The following PVT1 variants were observed in gnomAD, a reference collection of about 807,000 sequenced individuals.
PVT1 encodes Pvt1 oncogene, also known as CXCR4/PVT1 fusion.
chr8:128,019,301 T>C (rs892285023), intron 4 of PVT1, among the ~76,000 whole-genome samples: 1 of 152,214 alleles, frequency 6.6e-6, no homozygotes, highest in Non-Finnish European at 1.5e-5. Flanking sequence ...TAAAAATTAA[T>C]AATATAAAGA....
At chr8:127,931,682 G>T (rs556586262) in intron 3 of PVT1, among the ~76,000 whole-genome samples, 1 of 152,348 alleles carries the variant, frequency 6.6e-6, no homozygotes, top group South Asian at 2.1e-4. Flanking sequence ...CCACTGAGCG[G>T]CACTGCCACC....
intron 4 of PVT1, among the ~76,000 whole-genome samples, chr8:128,034,461 A>C (rs1335135658): frequency 6.6e-6 from 1 of 152,156 alleles, no homozygotes; most frequent in Non-Finnish European, 1.5e-5. Context: ...TCTGGTCCAG[A>C]ATACACTTAC....
intron 5 of PVT1, chr8:128,082,889 C>G (rs1288803157): frequency 2.6e-5 from 4 of 152,176 alleles, no homozygotes; most frequent in Non-Finnish European, 5.9e-5. Flanking sequence ...TTCCATCAGC[C>G]TAAGACAGTT....
At chr8:127,997,598 A>G (rs1363780204) in intron 4 of PVT1, among the ~76,000 whole-genome samples, 1 of 152,178 alleles carries the variant, frequency 6.6e-6, no homozygotes, top group Non-Finnish European at 1.5e-5. Context: ...TCCTCCAGAC[A>G]CTTTTAAAGA....
At chr8:128,074,881 C>T (rs1814064610) in intron 5 of PVT1, among the ~76,000 whole-genome samples, 1 of 152,186 alleles carries the variant, frequency 6.6e-6, no homozygotes, top group African/African-American at 2.4e-5. Flanking sequence ...CAAATTTAAG[C>T]AGCAATTTTG....
chr8:127,903,622 G>A (rs1243381925), intron 3 of PVT1, among the ~76,000 whole-genome samples: 1 of 152,130 alleles, frequency 6.6e-6, no homozygotes, highest in Non-Finnish European at 1.5e-5. Context: ...TAGGGATTCT[G>A]TTTCATTTTC....
intron 3 of PVT1, among the ~76,000 whole-genome samples, chr8:127,973,980 GA>G (rs34219434): frequency 7.8e-4 from 109 of 139,902 alleles, no homozygotes; most frequent in South Asian, 1.2e-3. Context: ...CTCCGTCTCA[GA>G]AAAAAAAAAA....
intron 2 of PVT1, among the ~76,000 whole-genome samples, chr8:127,842,850 G>C (rs906666582): frequency 2.6e-5 from 4 of 152,166 alleles, no homozygotes; most frequent in African/African-American, 7.2e-5. Context: ...GCTCTCAAAG[G>C]GGGTTGAATG....
At chr8:127,981,221 G>A (rs1182525914) in intron 3 of PVT1, among the ~76,000 whole-genome samples, 1 of 152,190 alleles carries the variant, frequency 6.6e-6, no homozygotes, top group Non-Finnish European at 1.5e-5. Flanking sequence ...TAGATCTCAA[G>A]GAGAACTAGA....
rs144737582 is a variant in PVT1 at position 127,842,774 on chromosome 8, A to G, written n.372+46703A>G. On this transcript the variant is annotated intron_variant and non_coding_transcript_variant, in intron 2 of 10. Coordinates refer to ENST00000651587, the Ensembl canonical transcript of PVT1. ...TTTTCATCCCTGAGCCAATTAATCA[A>G]TTTCAAGAGATAGCATCTGAGTGAG... 4.0e-3 allele frequency among the ~76,000 whole-genome samples: 611 copies of G among 152,230 alleles called. 8 individuals carry two copies. Among genetic ancestry groups the G allele is most frequent in the African/African-American group, 0.013 (560 of 41,534 alleles).
intron 3 of PVT1, among the ~76,000 whole-genome samples, chr8:127,891,190 C>T (rs1815598179): frequency 6.6e-6 from 1 of 152,184 alleles, no homozygotes; most frequent in South Asian, 2.1e-4. Context: ...TTGTACCTGT[C>T]ACCATTTTCT....
At chr8:127,833,461 A>AT (rs11291041) in intron 2 of PVT1, among the ~76,000 whole-genome samples, 45 of 148,380 alleles carry the variant, frequency 3.0e-4, no homozygotes, top group East Asian at 3.0e-3. Flanking sequence ...TGCTTTATGG[A>AT]TTTTTTTTTT....
chr8:128,098,922 A>G (rs1478607651), intron 6 of PVT1, among the ~76,000 whole-genome samples: 32 of 152,200 alleles, frequency 2.1e-4, no homozygotes, highest in Admixed American at 2.0e-3. Context: ...CCATGGGATC[A>G]TTGCTTGCTA....
chr8:127,976,160 G>T (rs1345604932), intron 3 of PVT1, among the ~76,000 whole-genome samples: 3 of 152,186 alleles, frequency 2.0e-5, no homozygotes, highest in Non-Finnish European at 4.4e-5. Flanking sequence ...ATTTCAACTT[G>T]CAGTTGCAGA....
intron 4 of PVT1, among the ~76,000 whole-genome samples, chr8:128,066,197 C>T (rs1202957452): frequency 6.6e-6 from 1 of 152,180 alleles, no homozygotes. Flanking sequence ...CTCTGCCTTC[C>T]ACAGGGTAAG....
rs141898372 is a variant in PVT1 at position 128,094,385 on chromosome 8, CATT to C, written n.1115-2131_1115-2129del. ...GCATGAAAATTATAGGAAATTCTAT[CATT>C]AGCACTTGTAAATAAAGTTTTATTG... On this transcript the variant is annotated intron_variant and non_coding_transcript_variant, in intron 5 of 10. Transcript: ENST00000651587. Among the ~76,000 whole-genome samples the C allele has an allele frequency of 5.7e-3, 862 of 152,240 alleles. 15 individuals are homozygous for C. Among genetic ancestry groups the C allele is most frequent in the African/African-American group, 0.02 (825 of 41,528 alleles).
At chr8:127,895,994 A>G (rs1375209741) in intron 3 of PVT1, among the ~76,000 whole-genome samples, 1 of 152,216 alleles carries the variant, frequency 6.6e-6, no homozygotes, top group East Asian at 1.9e-4. Flanking sequence ...TAAAGGAAAC[A>G]TGTTTGTCTT....
intron 5 of PVT1, among the ~76,000 whole-genome samples, chr8:128,077,739 C>A (rs1814110181): frequency 6.6e-6 from 1 of 152,162 alleles, no homozygotes; most frequent in African/African-American, 2.4e-5. Flanking sequence ...GCTTGCAGAT[C>A]TGGTTTGCAT....
chr8:127,970,347 G>T (rs1405262709), intron 3 of PVT1, among the ~76,000 whole-genome samples: 1 of 125,808 alleles, frequency 7.9e-6, no homozygotes, highest in Non-Finnish European at 1.6e-5. Context: ...ACCCAGGCTG[G>T]AGTGCAGTGG....
Sources: gnomAD v4.1 joint callset for allele counts (sites outside exome capture counted in the v4.1 genomes callset) on GRCh38, gnomAD v4.1.1 for gene constraint, MANE v1.5 for transcripts, NCBI Gene and HGNC (gene_info 2026-07-23, HGNC 2026-07-21) for gene names.